MAP3K14: variants seen among roughly 807,000 people sequenced by gnomAD.
The protein encoded by MAP3K14 is mitogen-activated protein kinase kinase kinase 14.
A neutral mutation model predicts 99.2 loss-of-function variants in MAP3K14; 16 were observed. That is an observed-to-expected ratio of 0.16 (90% CI 0.11 to 0.24). MAP3K14 has a LOEUF of 0.24. Among genes scored for constraint, MAP3K14 ranks in the 10% least tolerant of loss-of-function variants. The pLI, the probability that MAP3K14 is intolerant of heterozygous loss-of-function variation, is 1.00. For missense variants in MAP3K14, 784 were observed against 1,208.7 expected (o/e 0.65, Z 5.21); for synonymous variants, 462 against 492.4 (o/e 0.94, Z 0.82).
rs545433116 is a variant in MAP3K14, at chr17:45,309,850, A to G, written c.-21+7110T>C. On this transcript the variant is annotated intron_variant, in intron 1 of 15. Coordinates refer to ENST00000344686, the MANE Select transcript of MAP3K14 (RefSeq NM_003954.5). Reference sequence around the variant, plus strand: ...CACCCATCTGGGCTCGGATTTGCATATATTTGCAAGTATCTAATACATGCT... The same window carrying G: ...CACCCATCTGGGCTCGGATTTGCATGTATTTGCAAGTATCTAATACATGCT... Among the ~76,000 whole-genome samples, 7 of 152,192 alleles carry G rather than the reference A, an allele frequency of 4.6e-5. No homozygotes were observed. The South Asian group carries it at 1.5e-3, about 32-fold the overall frequency.
At chr17:45,275,490 AAAAAC>A (rs1195356329) in intron 6 of MAP3K14, among the ~76,000 whole-genome samples, 1,439 of 86,542 alleles carry the variant, frequency 0.017, 15 homozygotes, top group Middle Eastern at 0.093. Flanking sequence ...CTCAAAAAAA[AAAAAC>A]AAAAAAAAAC....
chr17:45,290,896 T>C (rs7207453), intron 1 of MAP3K14, 131 bp from the exon 2 acceptor site: 9,203 of 787,458 alleles, frequency 0.012, 107 homozygotes, highest in Admixed American at 0.037. Flanking sequence ...CTGCCACACA[T>C]ACTCATCCTC....
At chr17:45,295,977 A>G (rs1434483070) in intron 1 of MAP3K14, among the ~76,000 whole-genome samples, 2 of 152,252 alleles carry the variant, frequency 1.3e-5, no homozygotes, top group African/African-American at 4.8e-5. Flanking sequence ...CGAAAGGGAA[A>G]TAAAACTCTG....
chr17:45,299,741 C>A (rs1436452920), intron 1 of MAP3K14, among the ~76,000 whole-genome samples: 1 of 152,188 alleles, frequency 6.6e-6, no homozygotes. Context: ...GTACATTAAT[C>A]ATTAAAATCT....
At chr17:45,304,983 G>A (rs763306558) in intron 1 of MAP3K14, among the ~76,000 whole-genome samples, 1 of 152,210 alleles carries the variant, frequency 6.6e-6, no homozygotes, top group Non-Finnish European at 1.5e-5. Context: ...CTGGCATGCA[G>A]TGGGCACTCT....
Position 45,264,677 on chromosome 17 carries a change from T to C in MAP3K14, c.2803A>G (p.Ser935Gly). 6.3e-7 allele frequency: 1 copy of C among 1,599,132 alleles called. No individual in the cohort carries two copies. The highest frequency in any genetic ancestry group is 8.5e-7 in the Non-Finnish European group (1 of 1,173,298). Reference sequence around the variant, plus strand: ...AGCTGGCCATGCTTGACCCTCCAGCTCCAGGCGAAGCTGCCATCAGGGGCC... The same window carrying C: ...AGCTGGCCATGCTTGACCCTCCAGCCCCAGGCGAAGCTGCCATCAGGGGCC... The part of the protein sequence containing the change: ...TLAPDGSFAW[S>G]WRVKHGQLEN... Residue 935 changes from serine (S) to glycine (G), a missense_variant, in exon 16 of 16, where the codon AGC (serine) becomes GGC (glycine). Transcript: ENST00000344686.
intron 1 of MAP3K14, among the ~76,000 whole-genome samples, chr17:45,294,081 T>C (rs2044331214): frequency 1.3e-5 from 2 of 152,230 alleles, no homozygotes; most frequent in South Asian, 4.1e-4. Flanking sequence ...GTCTCTGCCT[T>C]TGAAGGCAAG....
In MAP3K14 at chr17:45,286,517, G is replaced by A. The variant is rs759193300; in HGVS notation, c.1066C>T (p.Leu356=). Residue 356 remains leucine (L), a synonymous_variant, in exon 5 of 16, where the codon CTG becomes TTG. Coordinates refer to ENST00000344686, the MANE Select transcript of MAP3K14 (RefSeq NM_003954.5). This position sits in a 1 kb window ranked among gnomAD's most constrained non-coding sequence, Gnocchi z 4.1. The part of the protein sequence containing the change: ...SSGQAHSLTS[L]AKTWAARGSR... ...CCCCTTGCTGCCCAGGTCTTGGCCA[G>A]GCTGGTCAGGCTGTGGGCCTGGCCT... 9 of 1,608,098 alleles carry A rather than the reference G, an allele frequency of 5.6e-6. No homozygotes were observed. In the Admixed American group the frequency reaches 1.5e-4, roughly 27 times the overall value.
Position 45,274,177 on chromosome 17 carries a change from G to C in MAP3K14, c.1498C>G (p.Leu500Val). ...DRALYYLGQA[L>V]EGLEYLHSRR... ...GAGTGGAGGTATTCCAGACCCTCCA[G>C]GGCCTGGCCCAGGTAGTACAGGGCC... Residue 500 changes from leucine to valine, a missense_variant, in exon 8 of 16, where the codon CTG (leucine) becomes GTG (valine). This residue lies in a region of MAP3K14 where 200 missense variants were observed against 367.9 expected (regional missense o/e 0.54). Coordinates refer to ENST00000344686, the MANE Select transcript of MAP3K14 (RefSeq NM_003954.5). The C allele has an allele frequency of 6.2e-6, 10 of 1,603,962 alleles. No individual in the cohort carries two copies. The highest frequency in any genetic ancestry group is 8.5e-6 in the Non-Finnish European group (10 of 1,175,208).
At chr17:45,301,239 A>G (rs2044385935) in intron 1 of MAP3K14, among the ~76,000 whole-genome samples, 1 of 151,986 alleles carries the variant, frequency 6.6e-6, no homozygotes. Flanking sequence ...CGAGGCAGGC[A>G]GATCACCTGA....
Position 45,290,539 on chromosome 17 carries a change from T to C in MAP3K14, c.207A>G (p.Glu69=), listed in dbSNP as rs745514312. 153 of 1,613,792 alleles carry C rather than the reference T, an allele frequency of 9.5e-5. No homozygotes were observed. The highest frequency in any genetic ancestry group is 1.3e-4 in the Non-Finnish European group (151 of 1,179,890). ...NDVITKGTAK[E]GSEAGPAAIS... ...TGGCAGCTGGCCCTGCCTCGGAGCC[T>C]TCCTTGGCTGTGCCCTTGGTAATCA... The change falls in exon 2 of 16, where the codon GAA becomes GAG. Residue 69 remains glutamate, a synonymous_variant. Coordinates refer to ENST00000344686, the MANE Select transcript of MAP3K14 (RefSeq NM_003954.5).
rs776708417 is a variant in MAP3K14 at position 45,286,551 on chromosome 17, G to A, written c.1032C>T (p.Ser344=). The A allele has an allele frequency of 6.2e-6, 10 of 1,610,602 alleles. No homozygotes were observed. Among genetic ancestry groups the A allele is most frequent in the African/African-American group, 1.3e-5 (1 of 74,968 alleles). The stretch of plus-strand genomic sequence containing the variant: ...GGCTGTGGGCCTGGCCTGAGCTCAC[G>A]CTGCCTTGCAGAGCATGCACTAGGT... ...EEYLVHALQG[S]VSSGQAHSLT... is the part of the protein sequence containing the mutation. Residue 344 remains serine, a synonymous_variant, in exon 5 of 16, where the codon AGC becomes AGT. Transcript: ENST00000344686. This position sits in a 1 kb window ranked among gnomAD's most constrained non-coding sequence, Gnocchi z 4.1.
intron 6 of MAP3K14, among the ~76,000 whole-genome samples, chr17:45,278,679 C>CTTTT (rs34562745): frequency 7.8e-4 from 109 of 139,160 alleles, no homozygotes; most frequent in African/African-American, 2.7e-3. Context: ...CCATGCTGAA[C>CTTTT]TTTTTTTTTT....
intron 6 of MAP3K14, among the ~76,000 whole-genome samples, chr17:45,281,343 CTTTTTT>C (rs1205003546): frequency 7.3e-6 from 1 of 137,224 alleles, no homozygotes; most frequent in African/African-American, 2.7e-5. Context: ...CCTGATCTTT[CTTTTTT>C]TTTTTTTTTT....
chr17:45,292,411 C>A lies in MAP3K14; in HGVS notation c.-20-1646G>T, dbSNP rs148292043. Among the ~76,000 whole-genome samples, 1,144 of 152,054 alleles carry A rather than the reference C, an allele frequency of 7.5e-3. 16 individuals carry two copies. The highest frequency in any genetic ancestry group is 0.051 in the Middle Eastern group (15 of 294). ...GGAACCCTGTCTCTACAAAAAAATACAAAAAATTAGCTGGGGTAGCTGGCC... is the reference window on the plus strand; with the variant it reads ...GGAACCCTGTCTCTACAAAAAAATAAAAAAAATTAGCTGGGGTAGCTGGCC... On this transcript the variant is annotated intron_variant, in intron 1 of 15. Transcript: ENST00000344686.
At chr17:45,309,890 C>T (rs1184374516) in intron 1 of MAP3K14, among the ~76,000 whole-genome samples, 7 of 152,102 alleles carry the variant, frequency 4.6e-5, no homozygotes, top group African/African-American at 1.7e-4. Flanking sequence ...GGAGGTGGTG[C>T]AGGACTCTGT....
At chr17:45,306,325 C>G (rs1338100001) in intron 1 of MAP3K14, among the ~76,000 whole-genome samples, 1 of 146,256 alleles carries the variant, frequency 6.8e-6, no homozygotes, top group African/African-American at 2.8e-5. Context: ...CCCAAATGAT[C>G]TAAGCTTTAA....
chr17:45,278,370 G>T (rs1291546607), intron 6 of MAP3K14, among the ~76,000 whole-genome samples: 1 of 152,176 alleles, frequency 6.6e-6, no homozygotes, highest in East Asian at 1.9e-4. Context: ...GAACTTCCGT[G>T]TTCCTCATCC....
Position 45,270,401 on chromosome 17 carries a change from G to A in MAP3K14, c.1972+12C>T. 1.2e-6 allele frequency: 2 copies of A among 1,608,424 alleles called. No individual in the cohort carries two copies. The highest frequency in any genetic ancestry group is 1.7e-6 in the Non-Finnish European group (2 of 1,178,472). On this transcript the variant is annotated intron_variant, in intron 11 of 15. Coordinates refer to ENST00000344686, the MANE Select transcript of MAP3K14 (RefSeq NM_003954.5). ...CTGCCCCCCGGGTCAGCCAGCGTGG[G>A]GCTCTTCCTACCTTGCTGTAGTGCC... is the stretch of plus-strand genomic sequence containing the variant.
Sources: gnomAD v4.1 joint callset for allele counts (sites outside exome capture counted in the v4.1 genomes callset) on GRCh38, gnomAD v4.1.1 for gene constraint, gnomAD v4.1.1 regional missense constraint, Gnocchi (gnomAD v3.1) non-coding constraint, MANE v1.5 for transcripts, NCBI Gene and HGNC (gene_info 2026-07-23, HGNC 2026-07-21) for gene names.